ACOX3: variants seen among roughly 807,000 people sequenced by gnomAD.
The protein encoded by ACOX3 is acyl-CoA oxidase 3, pristanoyl, also known as peroxisomal acyl-coenzyme A oxidase 3.
A neutral mutation model predicts 81.5 loss-of-function variants in ACOX3; 73 were observed. The observed-to-expected ratio is 0.90, with a 90% CI of 0.74 to 1.09. ACOX3 has a LOEUF of 1.09. Among genes scored for constraint, ACOX3 ranks in the 50% least tolerant of loss-of-function variants. ACOX3 has a pLI of 0.00. For missense variants in ACOX3, 947 were observed against 928.0 expected (o/e 1.02, Z -0.27); for synonymous variants, 387 against 375.1 (o/e 1.03, Z -0.37).
chr4:8,373,678 C>G (rs749938021), intron 15 of ACOX3, 50 bp from the exon 16 acceptor site: 3 of 1,551,708 alleles, frequency 1.9e-6, no homozygotes, highest in Non-Finnish European at 2.6e-6. Context: ...TCCAAAACCA[C>G]CCCCAATACC....
chr4:8,361,525 C>T (rs75042203), downstream of ACOX3, among the ~76,000 whole-genome samples: 6 of 140,236 alleles, frequency 4.3e-5, 1 homozygote, highest in African/African-American at 1.6e-4. Flanking sequence ...ATAAGTTAAT[C>T]TTGTAAAAAA....
rs1429275110 is a variant in ACOX3 at position 8,432,089 on chromosome 4, G to A, written c.-15+8559C>T. Among the ~76,000 whole-genome samples, 2 of 152,176 alleles carry A rather than the reference G, an allele frequency of 1.3e-5. No homozygotes were observed. Among genetic ancestry groups the A allele is most frequent in the Non-Finnish European group, 2.9e-5 (2 of 68,044 alleles). ...CCACAGTCGTCACCACCACCCAGCA[G>A]CCACCTCACTTCCCCTAGTCACATC... On this transcript the variant is annotated intron_variant, in intron 1 of 17. Transcript: ENST00000356406. The surrounding 1 kb of genome is among the most constrained non-coding windows in gnomAD (Gnocchi z 6.2).
chr4:8,409,827 T>C (rs1455607265), intron 6 of ACOX3, among the ~76,000 whole-genome samples: 3 of 151,480 alleles, frequency 2.0e-5, no homozygotes, highest in Non-Finnish European at 4.4e-5. Flanking sequence ...TGGGCAGGAC[T>C]GTCTGCACTG....
intron 1 of ACOX3, among the ~76,000 whole-genome samples, chr4:8,429,560 G>A (rs1723822918): frequency 1.3e-5 from 2 of 152,316 alleles, no homozygotes; most frequent in African/African-American, 4.8e-5. Context: ...GATGTGCTGG[G>A]AGTCAGCTTG....
At position 8,414,825 on chromosome 4, in the gene ACOX3, C is replaced by A. The variant is rs1722144471; in HGVS notation, c.453+29G>T. 6.2e-7 allele frequency: 1 copy of A among 1,600,736 alleles called. No individual in the cohort carries two copies. Among genetic ancestry groups the A allele is most frequent in the East Asian group, 2.2e-5 (1 of 44,822 alleles). ...ACAGAGATCAAGCAAGAGAACCAGGCTCACAATTTACCATGAACCAGAACT... is the reference window on the plus strand; with the variant it reads ...ACAGAGATCAAGCAAGAGAACCAGGATCACAATTTACCATGAACCAGAACT... On this transcript the variant is annotated intron_variant, in intron 4 of 17. Transcript: ENST00000356406. This position sits in a 1 kb window ranked among gnomAD's most constrained non-coding sequence, Gnocchi z 6.1.
At chr4:8,367,664 T>C (rs1715624148) in intron 17 of ACOX3, among the ~76,000 whole-genome samples, 1 of 151,496 alleles carries the variant, frequency 6.6e-6, no homozygotes, top group African/African-American at 2.4e-5. Context: ...AAATCACCCC[T>C]CGCCCTCTTC....
At position 8,366,846 on chromosome 4, in the gene ACOX3, T is replaced by C. The variant is rs1295476685; in HGVS notation, c.*115A>G. 17 of 1,460,080 alleles carry C rather than the reference T, an allele frequency of 1.2e-5. No homozygotes were observed. The highest frequency in any genetic ancestry group is 7.5e-6 in the Non-Finnish European group (8 of 1,070,124). The allele number at this position is 1,460,080 out of a possible 1,614,324, so 90.4% of individuals were successfully genotyped here. ...CCAATCAGCAGTTTAGGCGCACAGG[T>C]GCGGGCTCAGAAAGCAGCAGCAATC... On this transcript the variant is annotated 3_prime_UTR_variant, in exon 18 of 18. Transcript: ENST00000356406.
intron 1 of ACOX3, among the ~76,000 whole-genome samples, chr4:8,436,779 C>T (rs1396054182): frequency 1.3e-5 from 2 of 150,538 alleles, no homozygotes; most frequent in Non-Finnish European, 3.0e-5. Context: ...GTCAGGAGAT[C>T]GAGACCATCC....
rs1303790990 is a variant in ACOX3, at chr4:8,368,779, A to G, written c.1984-1699T>C. 6.7e-6 allele frequency among the ~76,000 whole-genome samples: 1 copy of G among 149,216 alleles called. No individual in the cohort carries two copies. Among genetic ancestry groups the G allele is most frequent in the African/African-American group, 2.5e-5 (1 of 40,208 alleles). ...GGTCTCACCCTGTTGGCCAGGCTGG[A>G]GTGCAGTGGCGCGATCACTGCCCAC... On this transcript the variant is annotated intron_variant, in intron 17 of 17. Transcript: ENST00000356406. The surrounding 1 kb of genome is among the most constrained non-coding windows in gnomAD (Gnocchi z 5.9).
At position 8,406,095 on chromosome 4, in the gene ACOX3, A is replaced by T. The variant is rs778456231; in HGVS notation, c.688-52T>A. 2 of 1,561,120 alleles carry T rather than the reference A, an allele frequency of 1.3e-6. No individual in the cohort carries two copies. The highest frequency in any genetic ancestry group is 1.8e-6 in the Non-Finnish European group (2 of 1,133,078). ...ACAGCAACTGTTACAATCACACAAA[A>T]ATCAAAACAAATGTGTTCAGAAACC... On this transcript the variant is annotated intron_variant, in intron 6 of 17. Transcript: ENST00000356406. The surrounding 1 kb of genome is among the most constrained non-coding windows in gnomAD (Gnocchi z 5.6).
the ACOX3 span, chr4:8,357,420 T>C: frequency 1.4e-5 from 5 of 356,906 alleles, no homozygotes; most frequent in Non-Finnish European, 2.8e-5. Context: ...AGTAAATCAA[T>C]TAAATTGGAG....
rs2108936228 is a variant in ACOX3 at position 8,407,005 on chromosome 4, G to A, written c.688-962C>T. Among the ~76,000 whole-genome samples the A allele has an allele frequency of 6.6e-6, 1 of 152,272 alleles. No individual in the cohort carries two copies. Among genetic ancestry groups the A allele is most frequent in the African/African-American group, 2.4e-5 (1 of 41,554 alleles). On this transcript the variant is annotated intron_variant, in intron 6 of 17. Coordinates refer to ENST00000356406, the MANE Select transcript of ACOX3 (RefSeq NM_003501.3). This position sits in a 1 kb window ranked among gnomAD's most constrained non-coding sequence, Gnocchi z 4.6. ...CCTTTCCCAGTCTGCTAAGTAGCAG[G>A]TGTTTTTCCTTGACACTTATGCTAC...
chr4:8,428,126 T>C (rs1229787808), intron 1 of ACOX3, among the ~76,000 whole-genome samples: 5 of 152,248 alleles, frequency 3.3e-5, no homozygotes, highest in African/African-American at 1.2e-4. Flanking sequence ...CCTAGTTCAA[T>C]GTGTAAAGTC....
At chr4:8,422,567 C>T (rs571485432) in intron 1 of ACOX3, among the ~76,000 whole-genome samples, 8 of 152,202 alleles carry the variant, frequency 5.3e-5, no homozygotes, top group Non-Finnish European at 1.0e-4. Flanking sequence ...CTTCTTGCCC[C>T]CATTTGCCAC....
chr4:8,439,274 C>G (rs1001437472), intron 1 of ACOX3: 1 of 152,152 alleles, frequency 6.6e-6, no homozygotes, highest in African/African-American at 2.4e-5. Context: ...AACCCAGACC[C>G]GTCCAGCCCA....
Position 8,381,723 on chromosome 4 carries a change from T to A in ACOX3, c.1538-116A>T. ...TCCTGCAGGTACCAGGTTGTCTTCATTGACAACCAAGTGTATGGGGTGGGT... is the reference window on the plus strand; with the variant it reads ...TCCTGCAGGTACCAGGTTGTCTTCAATGACAACCAAGTGTATGGGGTGGGT... On this transcript the variant is annotated intron_variant, in intron 13 of 17. Transcript: ENST00000356406. The surrounding 1 kb of genome is among the most constrained non-coding windows in gnomAD (Gnocchi z 4.3). 1 of 745,884 alleles carries A rather than the reference T, an allele frequency of 1.3e-6. No homozygotes were observed. Among genetic ancestry groups the A allele is most frequent in the Non-Finnish European group, 2.2e-6 (1 of 450,030 alleles). The allele number at this position is 745,884 out of a possible 1,614,324, so 46.2% of individuals were successfully genotyped here. A position where few individuals can be genotyped will look rare whatever the true frequency, so the allele number is the denominator to read the frequency against.
At position 8,400,938 on chromosome 4, in the gene ACOX3, ATGCAAAAT is replaced by A. The variant is rs145672119; in HGVS notation, c.777-1294_777-1287del. ...TGAAATGATTATACAATTAGCCATA[ATGCAAAAT>A]TGCAAAATCAGTGGGAGCCTGAGCT... On this transcript the variant is annotated intron_variant, in intron 7 of 17. Transcript: ENST00000356406. This position sits in a 1 kb window ranked among gnomAD's most constrained non-coding sequence, Gnocchi z 4.4. Among the ~76,000 whole-genome samples, 7,831 of 152,062 alleles carry A rather than the reference ATGCAAAAT, an allele frequency of 0.051. 258 individuals carry two copies. The highest frequency in any genetic ancestry group is 0.091 in the African/African-American group (3,782 of 41,446).
chr4:8,363,260 T>C (rs1715271070), downstream of ACOX3, among the ~76,000 whole-genome samples: 1 of 152,252 alleles, frequency 6.6e-6, no homozygotes, highest in Admixed American at 6.5e-5. Flanking sequence ...TCTAATTTAG[T>C]TCACTTGGGA....
In ACOX3 at chr4:8,430,521, A is replaced by T. The variant is rs377182609; in HGVS notation, c.-15+10127T>A. On this transcript the variant is annotated intron_variant, in intron 1 of 17. Coordinates refer to ENST00000356406, the MANE Select transcript of ACOX3 (RefSeq NM_003501.3). The surrounding 1 kb of genome is among the most constrained non-coding windows in gnomAD (Gnocchi z 5.2). ...GGTCACAATTTCTGCCAAAATTACAACTACTAATCAATTGGGTTCACATGT... is the reference window on the plus strand; with the variant it reads ...GGTCACAATTTCTGCCAAAATTACATCTACTAATCAATTGGGTTCACATGT... Among the ~76,000 whole-genome samples the T allele has an allele frequency of 6.6e-6, 1 of 152,222 alleles. No homozygotes were observed. The highest frequency in any genetic ancestry group is 1.5e-5 in the Non-Finnish European group (1 of 68,036).
Sources: gnomAD v4.1 joint callset for allele counts (sites outside exome capture counted in the v4.1 genomes callset) on GRCh38, gnomAD v4.1.1 for gene constraint, Gnocchi (gnomAD v3.1) non-coding constraint, MANE v1.5 for transcripts, NCBI Gene and HGNC (gene_info 2026-07-23, HGNC 2026-07-21) for gene names.